The following CNTNAP2 variants were observed in gnomAD, a reference collection of about 807,000 sequenced individuals.
CNTNAP2 encodes the protein contactin-associated protein-like 2.
A neutral mutation model predicts 155.2 loss-of-function variants in CNTNAP2; 98 were observed. The ratio of observed to expected loss-of-function variants is 0.63; its 90% CI spans 0.54 to 0.75. The LOEUF (loss-of-function observed/expected upper bound fraction) is 0.75, where lower values mean the gene tolerates loss of function less well. Among genes scored for constraint, CNTNAP2 ranks in the 30% least tolerant of loss-of-function variants. The probability of loss-of-function intolerance (pLI) is 0.00; values close to 1 mark genes in which losing one functional copy is unlikely to be tolerated. For missense variants in CNTNAP2, 1,727 were observed against 1,688.1 expected (o/e 1.02, Z -0.40); for synonymous variants, 651 against 631.2 (o/e 1.03, Z -0.47).
At chr7:146,122,891 G>T (rs931058398) in intron 1 of CNTNAP2, among the ~76,000 whole-genome samples, 1 of 152,246 alleles carries the variant, frequency 6.6e-6, no homozygotes, top group South Asian at 2.1e-4. Context: ...AATCCTGAAG[G>T]TTAAATGTTT....
chr7:147,764,462 G>T lies in CNTNAP2; in HGVS notation c.2098+125156G>T, dbSNP rs140913051. ...GATTTTATCTTCTCTGTTATCACCT[G>T]GATTCCCAGATTGACATGGAGAAAG... On this transcript the variant is annotated intron_variant, in intron 13 of 23. Coordinates refer to ENST00000361727, the MANE Select transcript of CNTNAP2 (RefSeq NM_014141.6). Among the ~76,000 whole-genome samples the T allele has an allele frequency of 5.8e-3, 883 of 152,200 alleles. 6 individuals carry two copies. Among genetic ancestry groups the T allele is most frequent in the African/African-American group, 0.017 (719 of 41,506 alleles).
intron 11 of CNTNAP2, among the ~76,000 whole-genome samples, chr7:147,508,222 C>A (rs997484385): frequency 5.3e-5 from 8 of 152,170 alleles, no homozygotes; most frequent in African/African-American, 1.9e-4. Flanking sequence ...TATATCCCTG[C>A]ATCAAGCTTG....
intron 2 of CNTNAP2, among the ~76,000 whole-genome samples, chr7:146,794,630 T>G (rs1283191704): frequency 6.6e-6 from 1 of 152,148 alleles, no homozygotes; most frequent in Non-Finnish European, 1.5e-5. Context: ...TCCCATGGTG[T>G]CTGTTGTATG....
chr7:146,647,298 A>G (rs1799831163), intron 1 of CNTNAP2, among the ~76,000 whole-genome samples: 2 of 152,308 alleles, frequency 1.3e-5, no homozygotes, highest in East Asian at 1.9e-4. Flanking sequence ...AAGAATGGCC[A>G]GAAAATCTGA....
chr7:147,784,695 G>A (rs1006339488), intron 13 of CNTNAP2, among the ~76,000 whole-genome samples: 17 of 149,814 alleles, frequency 1.1e-4, no homozygotes, highest in East Asian at 2.0e-4. Context: ...TGACATCATC[G>A]GATTTGTGTT....
At chr7:147,090,351 GTTACAAT>G (rs1800376158) in intron 4 of CNTNAP2, among the ~76,000 whole-genome samples, 1 of 148,476 alleles carries the variant, frequency 6.7e-6, no homozygotes, top group African/African-American at 2.4e-5. Context: ...GTGTGTGTGT[GTTACAAT>G]TCTCTGGTAT....
chr7:147,975,942 A>G (rs1175941253), intron 14 of CNTNAP2, among the ~76,000 whole-genome samples: 2 of 152,172 alleles, frequency 1.3e-5, no homozygotes, highest in Non-Finnish European at 2.9e-5. Flanking sequence ...GGACCACATA[A>G]TATACATTTT....
intron 8 of CNTNAP2, among the ~76,000 whole-genome samples, chr7:147,281,480 A>G (rs926817970): frequency 6.6e-6 from 1 of 151,820 alleles, no homozygotes; most frequent in African/African-American, 2.4e-5. Context: ...GAATGAAAGA[A>G]TTCCCTGAAT....
chr7:147,160,490 T>A (rs1447165128), intron 8 of CNTNAP2, among the ~76,000 whole-genome samples: 1 of 152,158 alleles, frequency 6.6e-6, no homozygotes, highest in African/African-American at 2.4e-5. Flanking sequence ...ATTATAGGTT[T>A]ATTTTAATTA....
chr7:146,428,845 T>A (rs1796131869), intron 1 of CNTNAP2, among the ~76,000 whole-genome samples: 1 of 152,170 alleles, frequency 6.6e-6, no homozygotes, highest in Non-Finnish European at 1.5e-5. Context: ...TCCTGAATGG[T>A]ATTGCCTAGA....
At chr7:148,365,755 TA>T (rs1487187917) in intron 21 of CNTNAP2, among the ~76,000 whole-genome samples, 1 of 76,594 alleles carries the variant, frequency 1.3e-5, no homozygotes. Context: ...TGTATACATG[TA>T]TGTGTATACG....
intron 21 of CNTNAP2, among the ~76,000 whole-genome samples, chr7:148,331,356 G>A (rs1342635334): frequency 7.6e-6 from 1 of 131,548 alleles, no homozygotes; most frequent in Non-Finnish European, 1.5e-5. Context: ...GGAATGGATG[G>A]ATGGAGTGGA....
intron 17 of CNTNAP2, among the ~76,000 whole-genome samples, chr7:148,163,544 G>T (rs1479138206): frequency 6.6e-6 from 1 of 152,062 alleles, no homozygotes; most frequent in African/African-American, 2.4e-5. Flanking sequence ...CTTTCTTCTA[G>T]TTTAATAGTT....
chr7:148,340,134 A>T (rs1487369674), intron 21 of CNTNAP2, among the ~76,000 whole-genome samples: 1 of 152,112 alleles, frequency 6.6e-6, no homozygotes, highest in East Asian at 1.9e-4. Flanking sequence ...AAAGAAGGGG[A>T]CTTCCTTTTT....
chr7:146,745,117 T>A (rs1184911444), intron 1 of CNTNAP2, among the ~76,000 whole-genome samples: 1 of 152,102 alleles, frequency 6.6e-6, no homozygotes. Context: ...AATAGAATCA[T>A]CCCATCATGG....
intron 3 of CNTNAP2, among the ~76,000 whole-genome samples, chr7:146,935,096 C>A (rs746533412): frequency 6.6e-6 from 1 of 152,174 alleles, no homozygotes; most frequent in South Asian, 2.1e-4. Context: ...TGGAACTGTG[C>A]ACCCATTGGA....
intron 1 of CNTNAP2, among the ~76,000 whole-genome samples, chr7:146,454,271 G>A (rs1796523733): frequency 6.6e-6 from 1 of 152,046 alleles, no homozygotes; most frequent in Non-Finnish European, 1.5e-5. Flanking sequence ...CCATTTCTTA[G>A]TATTCCTTAG....
At chr7:146,825,684 A>G (rs1469027958) in intron 2 of CNTNAP2, among the ~76,000 whole-genome samples, 1 of 152,148 alleles carries the variant, frequency 6.6e-6, no homozygotes, top group Non-Finnish European at 1.5e-5. Flanking sequence ...GCAATTTTCC[A>G]CTTACTGCAA....
intron 2 of CNTNAP2, among the ~76,000 whole-genome samples, chr7:146,839,390 A>C (rs1490930830): frequency 1.3e-5 from 2 of 152,152 alleles, no homozygotes; most frequent in African/African-American, 2.4e-5. Flanking sequence ...ATTTTAGCTG[A>C]AGAGTTTATG....
Sources: allele counts gnomAD v4.1 joint callset (sites outside exome capture counted in the v4.1 genomes callset), GRCh38; gene constraint gnomAD v4.1.1; transcripts MANE v1.5; gene names NCBI Gene and HGNC (gene_info 2026-07-23, HGNC 2026-07-21).